Variants in TMEM272 observed in about 807,000 individuals in gnomAD.
TMEM272 encodes the protein transmembrane protein 272.
TMEM272 carries 8 observed loss-of-function variants against 3.7 expected under a neutral mutation model. The observed-to-expected ratio is 2.17, with a 90% CI of 1.27 to 3.91. TMEM272 has a LOEUF of 3.91. Ranked by LOEUF, TMEM272 falls within the 30% of genes most tolerant of loss-of-function variation. The pLI, the probability that TMEM272 is intolerant of heterozygous loss-of-function variation, is 0.00. For missense variants in TMEM272, 166 were observed against 91.5 expected (o/e 1.81, Z -3.32); for synonymous variants, 63 against 39.8 (o/e 1.58, Z -2.20).
At chr13:51,907,818 T>A in the TMEM272 span, among the ~76,000 whole-genome samples, 15 of 152,340 alleles carry the variant, frequency 9.8e-5, no homozygotes, top group East Asian at 5.8e-4. Context: ...CTATATATAT[T>A]TTTTAAATCA....
At chr13:51,918,774 G>A in the TMEM272 span, among the ~76,000 whole-genome samples, 305 of 147,842 alleles carry the variant, frequency 2.1e-3, 1 homozygote, top group African/African-American at 7.1e-3. Context: ...ACAGGGACAC[G>A]TCACCATGCC....
chr13:51,834,929 G>C (rs1216093095), intron 2 of TMEM272, among the ~76,000 whole-genome samples: 1 of 152,238 alleles, frequency 6.6e-6, no homozygotes, highest in Non-Finnish European at 1.5e-5. Flanking sequence ...CTGCAGGGAA[G>C]CAAATGTTCT....
chr13:51,854,937 G>C, the TMEM272 span, among the ~76,000 whole-genome samples: 1 of 152,112 alleles, frequency 6.6e-6, no homozygotes, highest in Admixed American at 6.5e-5. Context: ...GGCTGACTAG[G>C]TTGTTTGGGC....
At chr13:51,909,733 T>C in the TMEM272 span, 4 of 1,548,906 alleles carry the variant, frequency 2.6e-6, no homozygotes, top group Non-Finnish European at 3.6e-6. Flanking sequence ...TTCAATTCAC[T>C]GTTCATTTCT....
At chr13:51,889,474 G>A in the TMEM272 span, among the ~76,000 whole-genome samples, 1 of 152,180 alleles carries the variant, frequency 6.6e-6, no homozygotes, top group Non-Finnish European at 1.5e-5. Flanking sequence ...GCCCTGTGAA[G>A]ACATGATGAG....
upstream of TMEM272, among the ~76,000 whole-genome samples, chr13:51,847,591 C>T (rs1420359094): frequency 6.6e-6 from 1 of 152,180 alleles, no homozygotes; most frequent in African/African-American, 2.4e-5. Context: ...TTTCTCAGAA[C>T]ATATACCCAT....
chr13:51,829,215 G>C (rs576557767), intron 2 of TMEM272, among the ~76,000 whole-genome samples: 1 of 152,194 alleles, frequency 6.6e-6, no homozygotes, highest in South Asian at 2.1e-4. Flanking sequence ...ATTTAAAACT[G>C]ACATTATGCA....
In TMEM272 at chr13:51,816,546, C is replaced by A; in HGVS notation, c.*205G>T. 1 of 509,784 alleles carries A rather than the reference C, an allele frequency of 2.0e-6. No homozygotes were observed. Among genetic ancestry groups the A allele is most frequent in the South Asian group, 3.1e-5 (1 of 31,944 alleles). The allele number at this position is 509,784 out of a possible 1,614,324, so 31.6% of individuals were successfully genotyped here. On this transcript the variant is annotated 3_prime_UTR_variant, in exon 5 of 5. Coordinates refer to ENST00000629372, the MANE Select transcript of TMEM272 (RefSeq NM_001351003.2). Reference sequence around the variant, plus strand: ...AAGAGCAGAAGTGATTTCCCCATGTCTAGGAAGGCAAGAGTTTCTTTAGTC... The same window carrying A: ...AAGAGCAGAAGTGATTTCCCCATGTATAGGAAGGCAAGAGTTTCTTTAGTC...
At chr13:51,839,152 A>C (rs1156555689) in intron 1 of TMEM272, among the ~76,000 whole-genome samples, 1 of 152,060 alleles carries the variant, frequency 6.6e-6, no homozygotes, top group Non-Finnish European at 1.5e-5. Context: ...TGGAGACCCG[A>C]GCGGCCTGGA....
At chr13:51,877,238 A>G in the TMEM272 span, among the ~76,000 whole-genome samples, 1 of 152,204 alleles carries the variant, frequency 6.6e-6, no homozygotes, top group Non-Finnish European at 1.5e-5. Context: ...TAAATGTGAT[A>G]ACATAGGTAA....
At chr13:51,868,824 T>A in the TMEM272 span, among the ~76,000 whole-genome samples, 1 of 152,244 alleles carries the variant, frequency 6.6e-6, no homozygotes, top group Non-Finnish European at 1.5e-5. Context: ...TCCAAAATCA[T>A]AATGCAGATA....
chr13:51,905,299 G>A, the TMEM272 span, among the ~76,000 whole-genome samples: 1 of 152,216 alleles, frequency 6.6e-6, no homozygotes, highest in Admixed American at 6.5e-5. Flanking sequence ...ACCTCAGAGA[G>A]CCATGATTCC....
At chr13:51,913,276 A>G in the TMEM272 span, among the ~76,000 whole-genome samples, 3 of 152,368 alleles carry the variant, frequency 2.0e-5, no homozygotes, top group East Asian at 5.8e-4. Flanking sequence ...ACTGAATTTT[A>G]AACAAATAAC....
At chr13:51,860,779 TAC>T in the TMEM272 span, among the ~76,000 whole-genome samples, 23 of 149,406 alleles carry the variant, frequency 1.5e-4, no homozygotes, top group African/African-American at 5.6e-4. Flanking sequence ...TGTATACATA[TAC>T]TTTTATATAG....
At chr13:51,848,277 C>T (rs1956316401), upstream of TMEM272, among the ~76,000 whole-genome samples, 1 of 152,102 alleles carries the variant, frequency 6.6e-6, no homozygotes, top group South Asian at 2.1e-4. Flanking sequence ...CCCCACTTCA[C>T]AGATGAGTAG....
chr13:51,922,098 T>C, the TMEM272 span, among the ~76,000 whole-genome samples: 2 of 152,002 alleles, frequency 1.3e-5, no homozygotes, highest in Non-Finnish European at 2.9e-5. Flanking sequence ...GAGCAGGGAG[T>C]GTCAGAGGGT....
At chr13:51,881,379 T>C in the TMEM272 span, among the ~76,000 whole-genome samples, 1 of 151,608 alleles carries the variant, frequency 6.6e-6, no homozygotes, top group Non-Finnish European at 1.5e-5. Context: ...AAAAATCAGA[T>C]AATGAGAAAT....
the TMEM272 span, chr13:51,865,458 G>A: frequency 7.4e-6 from 12 of 1,614,002 alleles, no homozygotes; most frequent in South Asian, 3.3e-5. Context: ...GCCTGCTTCC[G>A]GTCCCTGGCG....
the TMEM272 span, among the ~76,000 whole-genome samples, chr13:51,871,192 C>CTTTT: frequency 7.3e-6 from 1 of 137,610 alleles, no homozygotes; most frequent in Non-Finnish European, 1.6e-5. Flanking sequence ...CAGAGTATGA[C>CTTTT]TTTTTTTTTT....
Sources: allele counts gnomAD v4.1 joint callset (sites outside exome capture counted in the v4.1 genomes callset), GRCh38; gene constraint gnomAD v4.1.1; transcripts MANE v1.5; gene names NCBI Gene and HGNC (gene_info 2026-07-23, HGNC 2026-07-21).